RARB: variants seen among roughly 807,000 people sequenced by gnomAD.
The protein encoded by RARB is retinoic acid receptor beta.
In RARB, 17 loss-of-function variants were observed where a neutral mutation model predicts 51.9. The observed-to-expected ratio is 0.33, with a 90% CI of 0.22 to 0.49. The LOEUF (loss-of-function observed/expected upper bound fraction) is 0.49. Among genes scored for constraint, RARB ranks in the 20% least tolerant of loss-of-function variants. The pLI, the probability that RARB is intolerant of heterozygous loss-of-function variation, is 0.99. For missense variants in RARB, 369 were observed against 550.8 expected (o/e 0.67, Z 3.30); for synonymous variants, 215 against 195.4 (o/e 1.10, Z -0.84).
intron 5 of RARB, among the ~76,000 whole-genome samples, chr3:25,367,297 C>T (rs904422571): frequency 2.0e-5 from 3 of 152,190 alleles, no homozygotes; most frequent in Non-Finnish European, 4.4e-5. Flanking sequence ...ATAATGGCAT[C>T]AGTCACACTT....
chr3:25,106,458 G>GGTTT lies in RARB; in HGVS notation c.-327-25703_-327-25702insGTTT, dbSNP rs1559468532. Among the ~76,000 whole-genome samples the GGTTT allele has an allele frequency of 7.7e-4, 83 of 107,818 alleles. 1 individual carries two copies. Among genetic ancestry groups the GGTTT allele is most frequent in the African/African-American group, 1.9e-3 (49 of 25,308 alleles). 70.7% of individuals were successfully genotyped at this position (107,818 alleles called of 152,430 possible). ...GCCCAGCTACTGTTTTTTGTTTTTT[G>GGTTT]TTTTTTTTTGTTTTGTTTTTTTTTT... is the stretch of plus-strand genomic sequence containing the variant. On this transcript the variant is annotated intron_variant, in intron 3 of 11. Transcript: ENST00000383772.
chr3:25,376,627 G>A (rs1022611965), intron 5 of RARB, among the ~76,000 whole-genome samples: 1 of 152,202 alleles, frequency 6.6e-6, no homozygotes, highest in African/African-American at 2.4e-5. Flanking sequence ...CTTGACAGCT[G>A]TGAATAGTCA....
intron 3 of RARB, among the ~76,000 whole-genome samples, chr3:25,092,756 G>A (rs529715647): frequency 8.5e-5 from 13 of 152,208 alleles, no homozygotes; most frequent in African/African-American, 2.9e-4. Context: ...TGGTTATGGA[G>A]ACATTTTTCC....
At chr3:24,841,610 CAAGT>C (rs1271944097) in intron 1 of RARB, among the ~76,000 whole-genome samples, 1 of 152,140 alleles carries the variant, frequency 6.6e-6, no homozygotes, top group Non-Finnish European at 1.5e-5. Flanking sequence ...TAGTAAAAAA[CAAGT>C]AGACCAACAG....
intron 2 of RARB, among the ~76,000 whole-genome samples, chr3:25,476,341 G>A (rs1236869323): frequency 6.6e-6 from 1 of 152,118 alleles, no homozygotes; most frequent in Non-Finnish European, 1.5e-5. Context: ...GCATTTATAT[G>A]CACTGGATAA....
chr3:25,577,845 G>C (rs1010691101), intron 4 of RARB, among the ~76,000 whole-genome samples: 1 of 144,688 alleles, frequency 6.9e-6, no homozygotes, highest in Non-Finnish European at 1.5e-5. Flanking sequence ...AGATGGCCCT[G>C]GGGGGCCATG....
intron 4 of RARB, among the ~76,000 whole-genome samples, chr3:25,146,300 C>T (rs749352637): frequency 7.9e-5 from 12 of 152,010 alleles, no homozygotes; most frequent in Non-Finnish European, 7.4e-5. Flanking sequence ...TAGAATGGGC[C>T]AGATAGTAAA....
chr3:25,255,131 A>G (rs1702829740), intron 5 of RARB, among the ~76,000 whole-genome samples: 2 of 152,174 alleles, frequency 1.3e-5, no homozygotes, highest in South Asian at 4.1e-4. Flanking sequence ...TTTCTTTACT[A>G]GGCATGAGCA....
intron 5 of RARB, among the ~76,000 whole-genome samples, chr3:25,262,775 G>A (rs994077513): frequency 2.0e-5 from 3 of 152,154 alleles, no homozygotes; most frequent in African/African-American, 7.2e-5. Context: ...CTATAATGAA[G>A]CATGTTTATA....
chr3:24,924,811 G>T (rs13324062), intron 2 of RARB, among the ~76,000 whole-genome samples: 11,951 of 152,136 alleles, frequency 0.079, 1,109 homozygotes, highest in African/African-American at 0.22. Flanking sequence ...ACTCAGACAA[G>T]TATCTTAACC....
chr3:25,383,608 AT>A lies in RARB; in HGVS notation c.179-77578del, dbSNP rs1160050400. ...CATATGGTAACCACTAAAGAGCTACATTTTTTTAATTTAATTTTTTAAATTA... is the reference window on the plus strand; with the variant it reads ...CATATGGTAACCACTAAAGAGCTACATTTTTTAATTTAATTTTTTAAATTA... On this transcript the variant is annotated intron_variant, in intron 5 of 11. Coordinates refer to the RARB transcript ENST00000383772. 3.3e-5 allele frequency among the ~76,000 whole-genome samples: 5 copies of A among 152,112 alleles called. No individual in the cohort carries two copies. In the East Asian group the frequency reaches 9.6e-4, roughly 29 times the overall value.
intron 3 of RARB, among the ~76,000 whole-genome samples, chr3:25,076,421 C>G (rs1004214700): frequency 2.0e-4 from 30 of 152,102 alleles, no homozygotes; most frequent in Admixed American, 1.3e-4. Context: ...TTTTTTAATT[C>G]AGGAACATTA....
intron 3 of RARB, among the ~76,000 whole-genome samples, chr3:25,069,895 A>G (rs1698734526): frequency 6.6e-6 from 1 of 152,222 alleles, no homozygotes; most frequent in African/African-American, 2.4e-5. Flanking sequence ...CCACACAGTG[A>G]GGCTGAATTG....
At chr3:25,573,061 C>A (rs1256744133) in intron 4 of RARB, among the ~76,000 whole-genome samples, 1 of 152,078 alleles carries the variant, frequency 6.6e-6, no homozygotes, top group Non-Finnish European at 1.5e-5. Context: ...AGAGATAAAC[C>A]CCCCCAGCTT....
chr3:25,012,666 T>A (rs1357557356), intron 2 of RARB, among the ~76,000 whole-genome samples: 1 of 152,180 alleles, frequency 6.6e-6, no homozygotes, highest in Non-Finnish European at 1.5e-5. Flanking sequence ...TTGTTTGAGG[T>A]GATTTACATT....
At chr3:25,568,831 G>T (rs1700596481) in intron 3 of RARB, among the ~76,000 whole-genome samples, 1 of 152,238 alleles carries the variant, frequency 6.6e-6, no homozygotes, top group Admixed American at 6.5e-5. Flanking sequence ...GGGTGGCATG[G>T]TCTGTTTCGC....
intron 1 of RARB, among the ~76,000 whole-genome samples, chr3:25,456,678 TATATAGAGAGAGAGAGAG>T (rs1297032119): frequency 9.1e-6 from 1 of 110,280 alleles, no homozygotes; most frequent in African/African-American, 3.7e-5. Flanking sequence ...TATATATATA[TATATAGAGAGAGAGAGAG>T]AGAGAGAGAG....
intron 5 of RARB, among the ~76,000 whole-genome samples, chr3:25,287,154 T>C (rs1158347109): frequency 6.6e-6 from 1 of 152,238 alleles, no homozygotes; most frequent in African/African-American, 2.4e-5. Flanking sequence ...ATGAATGCAT[T>C]GTTGAAATGC....
chr3:25,376,621 A>G (rs1260172683), intron 5 of RARB, among the ~76,000 whole-genome samples: 11 of 152,186 alleles, frequency 7.2e-5, no homozygotes, highest in Admixed American at 6.5e-4. Context: ...TATCACCTTG[A>G]CAGCTGTGAA....
Sources: allele counts gnomAD v4.1 joint callset (sites outside exome capture counted in the v4.1 genomes callset), GRCh38; gene constraint gnomAD v4.1.1; transcripts MANE v1.5; gene names NCBI Gene and HGNC (gene_info 2026-07-23, HGNC 2026-07-21).